The following MLLT10 variants were observed in gnomAD, a reference collection of about 807,000 sequenced individuals.
The protein encoded by MLLT10 is protein AF-10.
MLLT10 carries 30 observed loss-of-function variants against 129.1 expected under a neutral mutation model. The ratio of observed to expected loss-of-function variants is 0.23; its 90% CI spans 0.17 to 0.32. The LOEUF (loss-of-function observed/expected upper bound fraction) is 0.32. Ranked by LOEUF, MLLT10 falls within the 10% of genes least tolerant of loss-of-function variation. The probability of loss-of-function intolerance (pLI) is 1.00; values close to 1 mark genes in which losing one functional copy is unlikely to be tolerated. For synonymous variants in MLLT10, 490 were observed against 446.4 expected (o/e 1.10, Z -1.23); for missense variants, 1,119 against 1,268.3 (o/e 0.88, Z 1.79).
intron 14 of MLLT10, among the ~76,000 whole-genome samples, chr10:21,720,255 T>C (rs1195217110): frequency 6.6e-6 from 1 of 152,178 alleles, no homozygotes; most frequent in Non-Finnish European, 1.5e-5. Flanking sequence ...AGGGAGCAGT[T>C]TGGAGCATTG....
intron 9 of MLLT10, among the ~76,000 whole-genome samples, chr10:21,661,219 G>A (rs7912009): frequency 0.028 from 4,272 of 152,214 alleles, 195 homozygotes; most frequent in African/African-American, 0.096. Context: ...TCTAGAATGT[G>A]GTCCATCTTG....
At chr10:21,623,919 G>T (rs1006804477) in intron 8 of MLLT10, among the ~76,000 whole-genome samples, 5 of 151,148 alleles carry the variant, frequency 3.3e-5, no homozygotes, top group African/African-American at 7.4e-5. Flanking sequence ...TTAATCTATG[G>T]TTCTTTTTTT....
At chr10:21,721,023 C>G (rs1306524871) in intron 14 of MLLT10, among the ~76,000 whole-genome samples, 1 of 152,010 alleles carries the variant, frequency 6.6e-6, no homozygotes, top group Non-Finnish European at 1.5e-5. Flanking sequence ...AATGTTTTTC[C>G]TCCTGAAAGT....
At chr10:21,709,974 C>G (rs1388787054) in intron 13 of MLLT10, among the ~76,000 whole-genome samples, 1 of 152,112 alleles carries the variant, frequency 6.6e-6, no homozygotes, top group African/African-American at 2.4e-5. Flanking sequence ...GTCCTGGGCT[C>G]AAAGAGATCT....
intron 10 of MLLT10, among the ~76,000 whole-genome samples, chr10:21,672,161 G>C (rs963641087): frequency 7.2e-6 from 1 of 138,768 alleles, no homozygotes; most frequent in Non-Finnish European, 1.5e-5. Flanking sequence ...CTGTTTTCCA[G>C]GTTTTCAGTG....
chr10:21,681,203 A>G, intron 11 of MLLT10, 129 bp from the exon 12 acceptor site: 1 of 1,122,090 alleles, frequency 8.9e-7, no homozygotes, highest in Non-Finnish European at 1.3e-6. Flanking sequence ...TTTGTTTTTG[A>G]AGTTCTAGGT....
intron 11 of MLLT10, among the ~76,000 whole-genome samples, chr10:21,675,304 A>G (rs2051973388): frequency 6.6e-6 from 1 of 152,190 alleles, no homozygotes; most frequent in Non-Finnish European, 1.5e-5. Context: ...ACAAGTCTTC[A>G]TGTGTTACCC....
In MLLT10 at chr10:21,534,662, G is replaced by A; in HGVS notation, c.18G>A (p.Arg6=). Residue 6 remains arginine, a synonymous_variant, in exon 2 of 23, where the codon CGG becomes CGA. Transcript: ENST00000307729. ...CCTCTTAGATGGTCTCTAGCGACCG[G>A]CCCGTGTCACTGGAGGACGAGGTCT... MVSSD[R]PVSLEDEVSH... The A allele has an allele frequency of 6.2e-7, 1 of 1,611,114 alleles. No homozygotes were observed.
chr10:21,556,625 G>C, intron 3 of MLLT10: 4 of 1,592,540 alleles, frequency 2.5e-6, no homozygotes, highest in Non-Finnish European at 3.4e-6. Context: ...ATAAGGGATT[G>C]TTTTGATTGC....
At chr10:21,613,742 C>G (rs1589235200) in intron 6 of MLLT10, among the ~76,000 whole-genome samples, 1 of 151,672 alleles carries the variant, frequency 6.6e-6, no homozygotes, top group African/African-American at 2.4e-5. Flanking sequence ...ATCTCTACTA[C>G]AAATATGAAG....
At chr10:21,672,971 T>G (rs543136238) in intron 10 of MLLT10, among the ~76,000 whole-genome samples, 77 of 152,310 alleles carry the variant, frequency 5.1e-4, no homozygotes, top group African/African-American at 1.7e-3. Flanking sequence ...TGCATGACTG[T>G]GGAAAGGAGA....
At chr10:21,738,700 TAGAC>T in intron 21 of MLLT10, 1 of 351,552 alleles carries the variant, frequency 2.8e-6, no homozygotes, top group South Asian at 1.2e-4. Flanking sequence ...GCAACGGCAT[TAGAC>T]AGAGTTGATC....
intron 13 of MLLT10, 46 bp from the exon 14 acceptor site, chr10:21,713,726 A>G (rs199536503): frequency 1.3e-6 from 2 of 1,549,870 alleles, no homozygotes; most frequent in Admixed American, 1.8e-5. Context: ...GTCTGTGACA[A>G]ATTTGACTGC....
intron 9 of MLLT10, among the ~76,000 whole-genome samples, chr10:21,662,285 C>T (rs901924303): frequency 7.9e-5 from 12 of 152,108 alleles, no homozygotes; most frequent in Admixed American, 1.3e-4. Context: ...AGTTTTTGGA[C>T]GTTATGATTT....
At chr10:21,624,986 T>G in intron 8 of MLLT10, 1 of 1,170,842 alleles carries the variant, frequency 8.5e-7, no homozygotes, top group Non-Finnish European at 1.2e-6. Flanking sequence ...CCCTTCCTCC[T>G]CTTCCTCTTA....
chr10:21,659,914 T>C (rs1311020535), intron 9 of MLLT10, among the ~76,000 whole-genome samples: 1 of 152,190 alleles, frequency 6.6e-6, no homozygotes, highest in Non-Finnish European at 1.5e-5. Flanking sequence ...ACAGTGATGA[T>C]TGTTCCTTGC....
chr10:21,646,126 A>C (rs1326672473), intron 8 of MLLT10, among the ~76,000 whole-genome samples: 1 of 152,154 alleles, frequency 6.6e-6, no homozygotes, highest in Non-Finnish European at 1.5e-5. Context: ...TAATTGCTTG[A>C]ACCTGGGAGG....
At position 21,624,899 on chromosome 10, in the gene MLLT10, C is replaced by T. The variant is rs531328436; in HGVS notation, c.699+7692C>T. On this transcript the variant is annotated intron_variant, in intron 8 of 22. Transcript: ENST00000307729. The stretch of plus-strand genomic sequence containing the variant: ...CTCGTGGTGGTCCCAAAGGTGCCCC[C>T]TTTTGTGAATAGCCAGCTCTACCTC... 104 of 1,266,422 alleles carry T rather than the reference C, an allele frequency of 8.2e-5. 5 individuals carry two copies. The South Asian group carries it at 1.4e-3, about 17-fold the overall frequency. 78.4% of individuals were successfully genotyped at this position (1,266,422 alleles called of 1,614,324 possible).
At chr10:21,633,016 A>G (rs961900224) in intron 8 of MLLT10, among the ~76,000 whole-genome samples, 12 of 152,218 alleles carry the variant, frequency 7.9e-5, no homozygotes, top group Admixed American at 7.2e-4. Flanking sequence ...CAGGTGTTGC[A>G]TATACAGTTA....
Sources: allele counts gnomAD v4.1 joint callset (sites outside exome capture counted in the v4.1 genomes callset), GRCh38; gene constraint gnomAD v4.1.1; transcripts MANE v1.5; gene names NCBI Gene and HGNC (gene_info 2026-07-23, HGNC 2026-07-21).